Variants in CTNNA3 observed in about 807,000 individuals in gnomAD.
CTNNA3 encodes the protein catenin alpha 3.
In CTNNA3, 76 loss-of-function variants were observed where a neutral mutation model predicts 95.7. The observed-to-expected ratio is 0.79, with a 90% CI of 0.66 to 0.96. The LOEUF (loss-of-function observed/expected upper bound fraction) is 0.96, where lower values mean the gene tolerates loss of function less well. CTNNA3 is among the 40% of genes least tolerant of loss of function. CTNNA3 has a pLI of 0.00. For synonymous variants in CTNNA3, 431 were observed against 374.4 expected (o/e 1.15, Z -1.74); for missense variants, 1,191 against 1,089.8 (o/e 1.09, Z -1.31).
intron 12 of CTNNA3, among the ~76,000 whole-genome samples, chr10:66,291,613 T>G (rs1371589721): frequency 6.6e-6 from 1 of 152,150 alleles, no homozygotes; most frequent in African/African-American, 2.4e-5. Context: ...GTATTCTCTG[T>G]GCTCTTCCCA....
At chr10:66,978,511 A>T (rs1382506897) in intron 7 of CTNNA3, among the ~76,000 whole-genome samples, 2 of 117,888 alleles carry the variant, frequency 1.7e-5, no homozygotes, top group African/African-American at 6.2e-5. Flanking sequence ...TGGATGATAG[A>T]GTGAGACTCC....
chr10:67,274,399 A>G (rs1021659354), intron 5 of CTNNA3, among the ~76,000 whole-genome samples: 6 of 152,202 alleles, frequency 3.9e-5, no homozygotes, highest in African/African-American at 1.4e-4. Context: ...CTAGGAAATA[A>G]TTACAATTCT....
intron 15 of CTNNA3, among the ~76,000 whole-genome samples, chr10:66,040,059 G>A (rs72791482): frequency 0.033 from 5,016 of 152,062 alleles, 153 homozygotes; most frequent in East Asian, 0.17. Context: ...ATAAAAATAG[G>A]CAAAGGACAT....
At chr10:66,965,260 G>A (rs555163283) in intron 7 of CTNNA3, among the ~76,000 whole-genome samples, 9 of 151,880 alleles carry the variant, frequency 5.9e-5, no homozygotes, top group Admixed American at 2.0e-4. Context: ...TTTTTGGCTC[G>A]GCATGGTGGC....
At chr10:65,949,126 G>C (rs1589162265) in intron 17 of CTNNA3, among the ~76,000 whole-genome samples, 1 of 151,838 alleles carries the variant, frequency 6.6e-6, no homozygotes, top group Admixed American at 6.6e-5. Flanking sequence ...TTTCTTTCTG[G>C]CTGCATTTCT....
At chr10:67,126,693 TGTGGTTAAGAGATAGGTG>T (rs1420656695) in intron 7 of CTNNA3, among the ~76,000 whole-genome samples, 1 of 152,226 alleles carries the variant, frequency 6.6e-6, no homozygotes, top group African/African-American at 2.4e-5. Context: ...ACTTTCAAAG[TGTGGTTAAGAGATAGGTG>T]GTGGTTGAGA....
At chr10:66,005,310 A>C (rs2078857289) in intron 15 of CTNNA3, among the ~76,000 whole-genome samples, 2 of 152,214 alleles carry the variant, frequency 1.3e-5, no homozygotes, top group African/African-American at 4.8e-5. Flanking sequence ...ACTACCAAGT[A>C]GTCAGAATCA....
chr10:66,617,658 G>A (rs1394406595), intron 10 of CTNNA3, among the ~76,000 whole-genome samples: 5 of 152,048 alleles, frequency 3.3e-5, no homozygotes, highest in African/African-American at 9.7e-5. Context: ...CACAAGACAG[G>A]GATGCCCTCT....
intron 7 of CTNNA3, among the ~76,000 whole-genome samples, chr10:66,961,708 C>T (rs754137617): frequency 9.9e-5 from 15 of 152,094 alleles, no homozygotes; most frequent in Non-Finnish European, 1.6e-4. Context: ...ATTATCTATA[C>T]AATATTTGCA....
intron 10 of CTNNA3, among the ~76,000 whole-genome samples, chr10:66,524,783 C>G (rs899862093): frequency 1.3e-5 from 2 of 152,142 alleles, no homozygotes; most frequent in Non-Finnish European, 2.9e-5. Context: ...GGTGCGGTGG[C>G]TCACGCCTGT....
chr10:66,624,156 T>A (rs1489947623), intron 9 of CTNNA3, among the ~76,000 whole-genome samples: 2 of 152,148 alleles, frequency 1.3e-5, no homozygotes, highest in African/African-American at 4.8e-5. Flanking sequence ...TATCGGGAGT[T>A]TTTGGAGACA....
chr10:67,752,005 G>T (rs1319027040), intron 1 of CTNNA3, among the ~76,000 whole-genome samples: 4 of 151,964 alleles, frequency 2.6e-5, no homozygotes, highest in African/African-American at 9.7e-5. Flanking sequence ...CCAAAACCTG[G>T]CACAGACACA....
At chr10:66,033,736 T>C (rs1374141388) in intron 15 of CTNNA3, among the ~76,000 whole-genome samples, 3 of 152,182 alleles carry the variant, frequency 2.0e-5, no homozygotes, top group Non-Finnish European at 2.9e-5. Flanking sequence ...TTCTGACTGA[T>C]TGAAACCTTA....
intron 10 of CTNNA3, among the ~76,000 whole-genome samples, chr10:66,584,780 C>A (rs1392049550): frequency 6.6e-6 from 1 of 151,910 alleles, no homozygotes; most frequent in Admixed American, 6.6e-5. Flanking sequence ...TTTATAAGCC[C>A]TGTGAATTTT....
At chr10:66,762,849 A>G (rs1273304549) in intron 9 of CTNNA3, among the ~76,000 whole-genome samples, 1 of 152,138 alleles carries the variant, frequency 6.6e-6, no homozygotes, top group Non-Finnish European at 1.5e-5. Flanking sequence ...GACTTGATAG[A>G]AATCTTTAAA....
chr10:67,749,574 T>C (rs78929361), intron 1 of CTNNA3, among the ~76,000 whole-genome samples: 16,340 of 151,960 alleles, frequency 0.11, 1,159 homozygotes, highest in African/African-American at 0.21. Flanking sequence ...AGGTAAATAA[T>C]GAAATTAAGA....
At position 67,617,768 on chromosome 10, in the gene CTNNA3, T is replaced by A. The variant is rs1177849195; in HGVS notation, c.100-10719A>T. On this transcript the variant is annotated intron_variant, in intron 2 of 17. Coordinates refer to ENST00000433211, the MANE Select transcript of CTNNA3 (RefSeq NM_013266.4). ...CTCTGCGACCTCTCCAGCATCTGCT[T>A]TTTTTTTTTTTTTACTTTTTAATAA... Among the ~76,000 whole-genome samples the A allele has an allele frequency of 2.3e-5, 3 of 128,950 alleles. No individual in the cohort carries two copies. The Admixed American group carries it at 2.5e-4, about 11-fold the overall frequency. The allele number at this position is 128,950 out of a possible 152,430, so 84.6% of individuals were successfully genotyped here. A position where few individuals can be genotyped will look rare whatever the true frequency, so the allele number is the denominator to read the frequency against.
At chr10:66,522,948 TCAC>T (rs1841120346) in intron 10 of CTNNA3, among the ~76,000 whole-genome samples, 1 of 152,140 alleles carries the variant, frequency 6.6e-6, no homozygotes, top group African/African-American at 2.4e-5. Flanking sequence ...TCACTTCCTG[TCAC>T]CACATTATTG....
intron 7 of CTNNA3, among the ~76,000 whole-genome samples, chr10:66,963,318 C>G (rs1204176666): frequency 6.6e-6 from 1 of 152,104 alleles, no homozygotes; most frequent in Non-Finnish European, 1.5e-5. Flanking sequence ...CTGTGTAGCA[C>G]TGGGAAATTA....
Sources: gnomAD v4.1 joint callset for allele counts (sites outside exome capture counted in the v4.1 genomes callset) on GRCh38, gnomAD v4.1.1 for gene constraint, MANE v1.5 for transcripts, NCBI Gene and HGNC (gene_info 2026-07-23, HGNC 2026-07-21) for gene names.